The following MAD1L1 variants were observed in gnomAD, a reference collection of about 807,000 sequenced individuals.
MAD1L1 encodes mitotic spindle assembly checkpoint protein MAD1.
MAD1L1 carries 95 observed loss-of-function variants against 96.9 expected under a neutral mutation model. The ratio of observed to expected loss-of-function variants is 0.98; its 90% confidence interval spans 0.83 to 1.16. The LOEUF (loss-of-function observed/expected upper bound fraction) is 1.16. Ranked by LOEUF, MAD1L1 falls within the 50% of genes most tolerant of loss-of-function variation. The pLI, the probability that MAD1L1 is intolerant of heterozygous loss-of-function variation, is 0.00. For missense variants in MAD1L1, 1,007 were observed against 954.4 expected (o/e 1.06, Z -0.73); for synonymous variants, 473 against 396.6 (o/e 1.19, Z -2.29).
At chr7:2,127,898 G>A (rs1039052475) in intron 11 of MAD1L1, among the ~76,000 whole-genome samples, 2 of 152,160 alleles carry the variant, frequency 1.3e-5, no homozygotes, top group African/African-American at 2.4e-5. Context: ...GAGCCGGTCT[G>A]AACTGACTCC....
intron 11 of MAD1L1, among the ~76,000 whole-genome samples, chr7:2,145,165 G>A (rs967663592): frequency 5.3e-5 from 8 of 152,108 alleles, no homozygotes; most frequent in African/African-American, 1.9e-4. Context: ...ACCACGTCCC[G>A]GGGACTGCCG....
At chr7:2,026,701 A>G (rs746322392) in intron 12 of MAD1L1, among the ~76,000 whole-genome samples, 45 of 152,242 alleles carry the variant, frequency 3.0e-4, no homozygotes, top group Non-Finnish European at 5.3e-4. Context: ...CCCATTGGTC[A>G]AAATAAAAAT....
intron 11 of MAD1L1, among the ~76,000 whole-genome samples, chr7:2,109,145 C>T (rs998171636): frequency 1.3e-5 from 2 of 152,250 alleles, no homozygotes; most frequent in African/African-American, 4.8e-5. Flanking sequence ...TGCCTGTGGG[C>T]CCATCACCAT....
Position 2,222,548 on chromosome 7 carries a change from TCCCTGCGCAGCAGAGG to T in MAD1L1, c.471+11_471+26del. 6.5e-7 allele frequency: 1 copy of T among 1,535,752 alleles called. No individual in the cohort carries two copies. The highest frequency in any genetic ancestry group is 8.8e-7 in the Non-Finnish European group (1 of 1,140,982). On this transcript the variant is annotated intron_variant, in intron 5 of 18. Transcript: ENST00000265854. ...CACTCCCTCTCCTCGGGAAAACAGC[TCCCTGCGCAGCAGAGG>T]CCCCGCTCACCTCGCCAGCCTGGGC...
chr7:2,226,088 C>T (rs1793879250), intron 3 of MAD1L1, among the ~76,000 whole-genome samples: 1 of 152,210 alleles, frequency 6.6e-6, no homozygotes, highest in Non-Finnish European at 1.5e-5. Flanking sequence ...CCCTCTCCTG[C>T]TATGTCTCTT....
chr7:2,228,745 CTT>C (rs11317086), intron 3 of MAD1L1, among the ~76,000 whole-genome samples: 125 of 146,806 alleles, frequency 8.5e-4, no homozygotes, highest in Admixed American at 6.8e-4. Context: ...AACTAGCATT[CTT>C]TTTTTTTTTT....
chr7:2,075,138 GC>G (rs1156724060), intron 11 of MAD1L1, among the ~76,000 whole-genome samples: 1 of 152,194 alleles, frequency 6.6e-6, no homozygotes, highest in Non-Finnish European at 1.5e-5. Flanking sequence ...AGCAGAGGCA[GC>G]CCTGTCCTGA....
intron 10 of MAD1L1, chr7:2,175,195 C>A (rs773209143): frequency 6.6e-6 from 1 of 152,248 alleles, no homozygotes; most frequent in African/African-American, 2.4e-5. Flanking sequence ...CTGCTCAGCA[C>A]GCCTAATGCC....
At chr7:1,994,241 G>C (rs1246126765) in intron 14 of MAD1L1, among the ~76,000 whole-genome samples, 2 of 152,248 alleles carry the variant, frequency 1.3e-5, no homozygotes, top group African/African-American at 4.8e-5. Context: ...GGGCAGCACA[G>C]GGACGATGGT....
At chr7:1,877,165 T>G (rs1229758054) in intron 18 of MAD1L1, among the ~76,000 whole-genome samples, 3 of 152,118 alleles carry the variant, frequency 2.0e-5, no homozygotes, top group Non-Finnish European at 4.4e-5. Context: ...GAAAACAGAC[T>G]GACATAGAGC....
chr7:2,073,866 C>T (rs539681572), intron 11 of MAD1L1, among the ~76,000 whole-genome samples: 62 of 152,250 alleles, frequency 4.1e-4, no homozygotes, highest in East Asian at 1.9e-3. Flanking sequence ...TGAGGGACGG[C>T]GTGGGCAGCA....
intron 10 of MAD1L1, among the ~76,000 whole-genome samples, chr7:2,211,649 C>T (rs145222765): frequency 9.2e-5 from 14 of 152,346 alleles, no homozygotes; most frequent in African/African-American, 3.4e-4. Flanking sequence ...CATTTAGGCC[C>T]CGCTGAGGCC....
intron 13 of MAD1L1, among the ~76,000 whole-genome samples, chr7:2,003,584 G>T (rs1781899757): frequency 6.6e-6 from 1 of 152,138 alleles, no homozygotes; most frequent in African/African-American, 2.4e-5. Flanking sequence ...GAGGCTGCAG[G>T]TGTGAGCACC....
rs563552561 is a variant in MAD1L1 at position 1,850,143 on chromosome 7, G to A, written c.1999-33915C>T. 4.5e-4 allele frequency among the ~76,000 whole-genome samples: 69 copies of A among 152,250 alleles called. 3 individuals carry two copies. In the South Asian group the frequency reaches 0.011, roughly 23 times the overall value. On this transcript the variant is annotated intron_variant, in intron 18 of 18. Coordinates refer to ENST00000265854, the MANE Select transcript of MAD1L1 (RefSeq NM_001013836.2). ...TTAATCTGAGTGGTTGTGGGTGAGCGGCGGCCGGGGCAGCGGCTTCCCCTG... is the reference window on the plus strand; with the variant it reads ...TTAATCTGAGTGGTTGTGGGTGAGCAGCGGCCGGGGCAGCGGCTTCCCCTG...
chr7:1,908,394 T>C (rs1215234258), intron 17 of MAD1L1, among the ~76,000 whole-genome samples: 4 of 152,126 alleles, frequency 2.6e-5, no homozygotes, highest in Non-Finnish European at 5.9e-5. Context: ...GTTTGTTTTG[T>C]TTTTTGAGAC....
intron 12 of MAD1L1, among the ~76,000 whole-genome samples, chr7:2,028,293 T>A (rs1332295728): frequency 6.6e-6 from 1 of 151,546 alleles, no homozygotes; most frequent in Non-Finnish European, 1.5e-5. Context: ...GGCGTGGTGG[T>A]GGGCGCCTGT....
chr7:2,002,745 G>A (rs1261381457), intron 13 of MAD1L1, among the ~76,000 whole-genome samples: 1 of 152,252 alleles, frequency 6.6e-6, no homozygotes, highest in African/African-American at 2.4e-5. Flanking sequence ...GCCTCATGGA[G>A]CAGCAAGGCT....
chr7:1,863,367 G>A (rs116236056), intron 18 of MAD1L1, among the ~76,000 whole-genome samples: 4,668 of 152,370 alleles, frequency 0.031, 151 homozygotes, highest in South Asian at 0.076. Context: ...GGCAGCTACC[G>A]GCAGGCCCGG....
intron 17 of MAD1L1, among the ~76,000 whole-genome samples, chr7:1,932,176 C>T (rs1789516907): frequency 6.6e-6 from 1 of 152,140 alleles, no homozygotes; most frequent in Non-Finnish European, 1.5e-5. Flanking sequence ...GCTCTATATC[C>T]CAGAAACTCT....
Sources: gnomAD v4.1 joint callset for allele counts (sites outside exome capture counted in the v4.1 genomes callset) on GRCh38, gnomAD v4.1.1 for gene constraint, MANE v1.5 for transcripts, NCBI Gene and HGNC (gene_info 2026-07-23, HGNC 2026-07-21) for gene names.